The following GNAQ variants were observed in gnomAD, a reference collection of about 807,000 sequenced individuals.
The protein encoded by GNAQ is guanine nucleotide-binding protein G(q) subunit alpha.
A neutral mutation model predicts 43.9 loss-of-function variants in GNAQ; 8 were observed. The ratio of observed to expected loss-of-function variants is 0.18; its 90% CI spans 0.11 to 0.33. The LOEUF is 0.33. Ranked by LOEUF, GNAQ falls within the 10% of genes least tolerant of loss-of-function variation. The pLI, the probability that GNAQ is intolerant of heterozygous loss-of-function variation, is 1.00. For missense variants in GNAQ, 158 were observed against 450.8 expected, an observed-to-expected ratio of 0.35 and a Z score of 5.88; for synonymous variants, 155 against 170.7, an observed-to-expected ratio of 0.91 and a Z score of 0.71.
At chr9:78,005,643 C>A (rs1249790521) in intron 1 of GNAQ, among the ~76,000 whole-genome samples, 2 of 152,188 alleles carry the variant, frequency 1.3e-5, no homozygotes. Context: ...TTACCAACAC[C>A]ATCCCATGTG....
At chr9:77,878,640 GAAA>G (rs987680452) in intron 2 of GNAQ, among the ~76,000 whole-genome samples, 1 of 146,364 alleles carries the variant, frequency 6.8e-6, no homozygotes, top group Admixed American at 6.8e-5. Flanking sequence ...TAAGGTTCCT[GAAA>G]AAAAAAAGAG....
chr9:77,991,670 C>A (rs1053747709), intron 1 of GNAQ, among the ~76,000 whole-genome samples: 1 of 152,076 alleles, frequency 6.6e-6, no homozygotes, highest in African/African-American at 2.4e-5. Context: ...ACCCATCACC[C>A]AAGCAGTGTA....
intron 1 of GNAQ, among the ~76,000 whole-genome samples, chr9:77,942,268 AC>A (rs2118346900): frequency 6.6e-6 from 1 of 152,192 alleles, no homozygotes; most frequent in East Asian, 1.9e-4. Context: ...TTCCTCTAAG[AC>A]CAGCCTTGTG....
At chr9:78,001,927 G>C (rs372061823) in intron 1 of GNAQ, among the ~76,000 whole-genome samples, 2 of 152,196 alleles carry the variant, frequency 1.3e-5, no homozygotes, top group African/African-American at 4.8e-5. Flanking sequence ...GGTCACTCTA[G>C]ATGAGGACTG....
intron 2 of GNAQ, among the ~76,000 whole-genome samples, chr9:77,840,225 C>T (rs150774373): frequency 6.6e-6 from 1 of 152,094 alleles, no homozygotes; most frequent in African/African-American, 2.4e-5. Flanking sequence ...TGGTATACTT[C>T]TAAATAGAAC....
intron 5 of GNAQ, among the ~76,000 whole-genome samples, chr9:77,763,003 T>C (rs1199095238): frequency 6.6e-6 from 1 of 151,938 alleles, no homozygotes; most frequent in Non-Finnish European, 1.5e-5. Flanking sequence ...CCAGAGACCT[T>C]TGTTCACTTG....
intron 1 of GNAQ, among the ~76,000 whole-genome samples, chr9:78,029,966 C>T (rs1587469410): frequency 6.6e-6 from 1 of 152,102 alleles, no homozygotes; most frequent in African/African-American, 2.4e-5. Context: ...TGTATATGAA[C>T]CCTGATCGCT....
intron 2 of GNAQ, among the ~76,000 whole-genome samples, chr9:77,820,366 C>A (rs966023275): frequency 2.0e-5 from 3 of 152,320 alleles, no homozygotes; most frequent in Non-Finnish European, 2.9e-5. Context: ...CCTGACCTTT[C>A]AGGTGCATTA....
At chr9:77,972,886 G>A (rs902176602) in intron 1 of GNAQ, among the ~76,000 whole-genome samples, 10 of 151,034 alleles carry the variant, frequency 6.6e-5, no homozygotes, top group African/African-American at 2.2e-4. Context: ...CCGGGTGGTG[G>A]AGTTTGCAGT....
chr9:78,023,679 A>G (rs1011319844), intron 1 of GNAQ, among the ~76,000 whole-genome samples: 7 of 152,202 alleles, frequency 4.6e-5, no homozygotes, highest in Non-Finnish European at 7.3e-5. Context: ...TTTTCAACAT[A>G]AAAAAGAAAC....
At chr9:77,965,923 GA>G (rs1398564569) in intron 1 of GNAQ, among the ~76,000 whole-genome samples, 1 of 151,304 alleles carries the variant, frequency 6.6e-6, no homozygotes, top group Non-Finnish European at 1.5e-5. Flanking sequence ...CCAAACACTG[GA>G]AACAATCCAA....
intron 1 of GNAQ, among the ~76,000 whole-genome samples, chr9:77,983,224 A>ACTCGTG (rs1341702285): frequency 6.6e-6 from 1 of 152,228 alleles, no homozygotes; most frequent in African/African-American, 2.4e-5. Flanking sequence ...CATGGTGATA[A>ACTCGTG]CATTTACATA....
intron 1 of GNAQ, among the ~76,000 whole-genome samples, chr9:77,972,411 G>GC (rs1363246619): frequency 1.3e-5 from 2 of 150,670 alleles, no homozygotes; most frequent in Admixed American, 6.6e-5. Context: ...TTCTCATACT[G>GC]TTTTTTTTTC....
At chr9:77,859,835 C>T (rs752667712) in intron 2 of GNAQ, among the ~76,000 whole-genome samples, 3 of 152,144 alleles carry the variant, frequency 2.0e-5, no homozygotes, top group Non-Finnish European at 4.4e-5. Context: ...ATTGCTTGAC[C>T]CTACCTTACA....
At chr9:77,754,045 G>C (rs1285021181) in intron 5 of GNAQ, among the ~76,000 whole-genome samples, 1 of 152,102 alleles carries the variant, frequency 6.6e-6, no homozygotes, top group Admixed American at 6.5e-5. Context: ...AGTGATGCTG[G>C]AGAAGTGTAA....
chr9:78,004,092 A>C (rs183355975), intron 1 of GNAQ, among the ~76,000 whole-genome samples: 1 of 152,058 alleles, frequency 6.6e-6, no homozygotes, highest in Non-Finnish European at 1.5e-5. Flanking sequence ...CTCCAACTAC[A>C]GGTATCTGCA....
chr9:77,851,987 G>C (rs924319572), intron 2 of GNAQ, among the ~76,000 whole-genome samples: 6 of 152,294 alleles, frequency 3.9e-5, no homozygotes, highest in African/African-American at 1.4e-4. Context: ...TAAGTAAACA[G>C]AGCAGGTGCC....
chr9:77,724,164 C>T (rs1432537858), intron 6 of GNAQ, among the ~76,000 whole-genome samples: 1 of 151,934 alleles, frequency 6.6e-6, no homozygotes, highest in African/African-American at 2.4e-5. Context: ...CCTATTTTTT[C>T]AAGTTAGTTC....
At chr9:77,726,015 A>AGTGTGTGT (rs142955619) in intron 6 of GNAQ, among the ~76,000 whole-genome samples, 18 of 150,652 alleles carry the variant, frequency 1.2e-4, no homozygotes, top group African/African-American at 4.1e-4. Context: ...AAGAACCTCG[A>AGTGTGTGT]GTGTGTGTGT....
Sources: allele counts gnomAD v4.1 joint callset (sites outside exome capture counted in the v4.1 genomes callset), GRCh38; gene constraint gnomAD v4.1.1; transcripts MANE v1.5; gene names NCBI Gene and HGNC (gene_info 2026-07-23, HGNC 2026-07-21).